The following CSMD1 variants were observed in gnomAD, a reference collection of about 807,000 sequenced individuals.
CSMD1 encodes the protein CUB and Sushi multiple domains 1.
CSMD1 carries 213 observed loss-of-function variants against 417.5 expected under a neutral mutation model. The ratio of observed to expected loss-of-function variants is 0.51; its 90% CI spans 0.46 to 0.57. The LOEUF is 0.57. Among genes scored for constraint, CSMD1 ranks in the 20% least tolerant of loss-of-function variants. The probability of loss-of-function intolerance (pLI) is 0.00; values close to 1 mark genes in which losing one functional copy is unlikely to be tolerated. For missense variants in CSMD1, 6,923 were observed against 4,529.7 expected (o/e 1.53, Z -15.17); for synonymous variants, 2,862 against 1,736.8 (o/e 1.65, Z -16.11).
chr8:3,438,637 T>C (rs1814731908), intron 12 of CSMD1, among the ~76,000 whole-genome samples: 1 of 152,184 alleles, frequency 6.6e-6, no homozygotes, highest in African/African-American at 2.4e-5. Flanking sequence ...TTTGTTTAAC[T>C]GTTTGCATCT....
chr8:4,651,861 T>C (rs1803917319), intron 1 of CSMD1, among the ~76,000 whole-genome samples: 1 of 152,192 alleles, frequency 6.6e-6, no homozygotes, highest in African/African-American at 2.4e-5. Flanking sequence ...TCCTGTCTTA[T>C]AAAGAACCCT....
chr8:2,949,395 T>TGGGAAAGAAA lies in CSMD1; in HGVS notation c.10315-10_10315-9insTTTCTTTCCC. On this transcript the variant is annotated splice_polypyrimidine_tract_variant and intron_variant, in intron 67 of 69. Transcript: ENST00000635120. ...TCAAGTCCAGATGACACCTGACACA[T>TGGGAAAGAAA]AGGAAAGAAAAGAAAAGAAATAAAA... The TGGGAAAGAAA allele has an allele frequency of 2.7e-6, 2 of 729,274 alleles. No individual in the cohort carries two copies. The highest frequency in any genetic ancestry group is 4.0e-6 in the Non-Finnish European group (2 of 496,560). The allele number at this position is 729,274 out of a possible 1,614,324, so 45.2% of individuals were successfully genotyped here. A position where few individuals can be genotyped will look rare whatever the true frequency, so the allele number is the denominator to read the frequency against.
At chr8:4,245,005 A>G (rs532829262) in intron 3 of CSMD1, among the ~76,000 whole-genome samples, 1 of 152,212 alleles carries the variant, frequency 6.6e-6, no homozygotes, top group African/African-American at 2.4e-5. Flanking sequence ...AAACATCAAA[A>G]AGAATCACAT....
intron 6 of CSMD1, among the ~76,000 whole-genome samples, chr8:3,726,696 G>C (rs1458393096): frequency 2.6e-5 from 4 of 152,128 alleles, no homozygotes; most frequent in Admixed American, 6.5e-5. Context: ...AGTGGTACGA[G>C]GTGTATATTT....
intron 26 of CSMD1, among the ~76,000 whole-genome samples, chr8:3,273,270 C>T (rs972470988): frequency 1.3e-5 from 2 of 151,976 alleles, no homozygotes; most frequent in South Asian, 2.1e-4. Context: ...CCTTGCATCC[C>T]AGGGATGAAG....
chr8:4,648,372 G>T (rs566359592), intron 1 of CSMD1, among the ~76,000 whole-genome samples: 75 of 152,172 alleles, frequency 4.9e-4, no homozygotes, highest in Admixed American at 1.0e-3. Context: ...TGATCTACGG[G>T]ATTGTCTGTC....
intron 4 of CSMD1, among the ~76,000 whole-genome samples, chr8:4,009,340 T>G (rs551083296): frequency 6.6e-6 from 1 of 152,216 alleles, no homozygotes; most frequent in Non-Finnish European, 1.5e-5. Flanking sequence ...GAAATCTATC[T>G]TACGGACATA....
chr8:4,107,450 A>C (rs1398183443), intron 3 of CSMD1, among the ~76,000 whole-genome samples: 1 of 152,222 alleles, frequency 6.6e-6, no homozygotes, highest in African/African-American at 2.4e-5. Flanking sequence ...GGATTTGTTT[A>C]AAGCACTGGA....
chr8:3,262,387 C>G (rs1268533176), intron 26 of CSMD1, among the ~76,000 whole-genome samples: 2 of 151,104 alleles, frequency 1.3e-5, no homozygotes, highest in Non-Finnish European at 2.9e-5. Flanking sequence ...CTGAAGATGA[C>G]AGTATCCATT....
At chr8:3,882,363 C>T (rs1346878866) in intron 5 of CSMD1, among the ~76,000 whole-genome samples, 2 of 152,194 alleles carry the variant, frequency 1.3e-5, no homozygotes, top group African/African-American at 4.8e-5. Context: ...AATACTGCAT[C>T]CCCACTAGAA....
intron 3 of CSMD1, among the ~76,000 whole-genome samples, chr8:4,149,090 A>T (rs1796434848): frequency 6.6e-6 from 1 of 151,948 alleles, no homozygotes; most frequent in South Asian, 2.1e-4. Context: ...CAGCCTCCCA[A>T]GTAGCTGGGA....
At chr8:4,821,049 G>T (rs888036767) in intron 1 of CSMD1, among the ~76,000 whole-genome samples, 17 of 152,044 alleles carry the variant, frequency 1.1e-4, no homozygotes, top group Admixed American at 9.8e-4. Context: ...ACACCAAGAA[G>T]AACAATGTGG....
chr8:4,169,242 C>G (rs1797627504), intron 3 of CSMD1, among the ~76,000 whole-genome samples: 1 of 152,150 alleles, frequency 6.6e-6, no homozygotes, highest in African/African-American at 2.4e-5. Context: ...GTTCTCAATA[C>G]TGCACACAGA....
At chr8:3,054,145 G>C (rs1015766255) in intron 49 of CSMD1, among the ~76,000 whole-genome samples, 14 of 152,114 alleles carry the variant, frequency 9.2e-5, no homozygotes, top group African/African-American at 3.1e-4. Flanking sequence ...CGGTATTGTT[G>C]GAGTTCCTTG....
At chr8:3,140,695 G>C (rs1818384765) in intron 41 of CSMD1, among the ~76,000 whole-genome samples, 1 of 150,584 alleles carries the variant, frequency 6.6e-6, no homozygotes, top group Admixed American at 6.6e-5. Context: ...GCATTCTGTG[G>C]AATTAGGGAA....
intron 5 of CSMD1, among the ~76,000 whole-genome samples, chr8:3,950,798 T>G (rs1811549756): frequency 6.6e-6 from 1 of 152,106 alleles, no homozygotes; most frequent in African/African-American, 2.4e-5. Context: ...AACATATTCT[T>G]CGGTCATAAT....
At chr8:4,426,557 C>G (rs1056251302) in intron 2 of CSMD1, among the ~76,000 whole-genome samples, 6 of 145,924 alleles carry the variant, frequency 4.1e-5, no homozygotes, top group Admixed American at 6.9e-5. Flanking sequence ...AGGATATTTA[C>G]TATAGTATAG....
At chr8:4,759,356 T>C (rs572647799) in intron 1 of CSMD1, among the ~76,000 whole-genome samples, 4 of 152,180 alleles carry the variant, frequency 2.6e-5, no homozygotes, top group Non-Finnish European at 5.9e-5. Flanking sequence ...TAAAGGGCAG[T>C]GGACAGGGCC....
chr8:4,363,543 T>A (rs769693561), intron 3 of CSMD1, among the ~76,000 whole-genome samples: 1 of 152,100 alleles, frequency 6.6e-6, no homozygotes, highest in Non-Finnish European at 1.5e-5. Flanking sequence ...AATAACTCCC[T>A]CCCTACTACA....
Sources: allele counts gnomAD v4.1 joint callset (sites outside exome capture counted in the v4.1 genomes callset), GRCh38; gene constraint gnomAD v4.1.1; transcripts MANE v1.5; gene names NCBI Gene and HGNC (gene_info 2026-07-23, HGNC 2026-07-21).